The following PDE7B variants were observed in gnomAD, a reference collection of about 807,000 sequenced individuals.
PDE7B encodes the protein phosphodiesterase 7B, also known as 3',5'-cyclic-AMP phosphodiesterase 7B.
In PDE7B, 29 loss-of-function variants were observed where a neutral mutation model predicts 56.2. The observed-to-expected ratio is 0.52, with a 90% CI of 0.38 to 0.70. PDE7B has a LOEUF of 0.70. PDE7B is among the 30% of genes least tolerant of loss of function. The probability of loss-of-function intolerance (pLI) is 0.00; values close to 1 mark genes in which losing one functional copy is unlikely to be tolerated. For missense variants in PDE7B, 490 were observed against 565.0 expected (o/e 0.87, Z 1.35); for synonymous variants, 197 against 196.9 (o/e 1.00, Z 0.00).
At chr6:136,154,227 T>C (rs754455652) in intron 7 of PDE7B, 52 bp downstream of exon 7, 2 of 1,135,386 alleles carry the variant, frequency 1.8e-6, no homozygotes, top group Non-Finnish European at 2.7e-6. Context: ...CCAAGGAAAC[T>C]ACCTGCTAGG....
At chr6:135,945,138 AG>A (rs1774574044) in intron 1 of PDE7B, among the ~76,000 whole-genome samples, 3 of 152,240 alleles carry the variant, frequency 2.0e-5, no homozygotes, top group Admixed American at 2.0e-4. Context: ...TAATTTGAAA[AG>A]GTTTAATGTC....
At chr6:135,941,869 T>TAA (rs1562447499) in intron 1 of PDE7B, among the ~76,000 whole-genome samples, 2 of 152,184 alleles carry the variant, frequency 1.3e-5, no homozygotes, top group African/African-American at 2.4e-5. Context: ...TCAAGACACA[T>TAA]TCTCTAAAAA....
intron 2 of PDE7B, chr6:136,096,408 C>A (rs1777471855): frequency 6.6e-6 from 1 of 150,388 alleles, no homozygotes; most frequent in Non-Finnish European, 1.5e-5. Context: ...ATATTGGGAT[C>A]TACTTGGTAT....
intron 2 of PDE7B, among the ~76,000 whole-genome samples, chr6:136,065,890 T>C (rs1337762537): frequency 6.6e-6 from 1 of 152,236 alleles, no homozygotes; most frequent in East Asian, 1.9e-4. Flanking sequence ...TTATTTTTTA[T>C]CAGTTCTTAG....
At chr6:135,910,755 G>A (rs1023169660) in intron 1 of PDE7B, among the ~76,000 whole-genome samples, 2 of 151,746 alleles carry the variant, frequency 1.3e-5, no homozygotes, top group African/African-American at 4.8e-5. Context: ...CCACAACCCC[G>A]GCTCCACCCA....
At chr6:136,183,386 G>A (rs1196313499) in intron 11 of PDE7B, among the ~76,000 whole-genome samples, 1 of 151,954 alleles carries the variant, frequency 6.6e-6, no homozygotes, top group East Asian at 1.9e-4. Context: ...GAGGTCAGGA[G>A]ATAGAGATCA....
chr6:136,014,082 C>T (rs1352752684), intron 2 of PDE7B, among the ~76,000 whole-genome samples: 3 of 152,120 alleles, frequency 2.0e-5, no homozygotes, highest in Admixed American at 2.0e-4. Context: ...GGAATTTTTC[C>T]TTAAAAGCCC....
chr6:136,185,563 T>G (rs1779130873), intron 11 of PDE7B, among the ~76,000 whole-genome samples: 1 of 151,978 alleles, frequency 6.6e-6, no homozygotes. Flanking sequence ...GAGACCAGCC[T>G]AGGCAACGTA....
Position 135,888,451 on chromosome 6 carries a change from C to CACAT in PDE7B, c.21+36432_21+36433insACAT, listed in dbSNP as rs373221069. On this transcript the variant is annotated intron_variant, in intron 1 of 12. Coordinates refer to ENST00000308191, the MANE Select transcript of PDE7B (RefSeq NM_018945.4). ...AGCTCCAATAAAGCTGAAATACACA[C>CACAT]GTGTGTGTGTGTGTGCATGTATAAC... Among the ~76,000 whole-genome samples the CACAT allele has an allele frequency of 3.1e-3, 469 of 151,152 alleles. 2 individuals are homozygous for CACAT. Among genetic ancestry groups the CACAT allele is most frequent in the South Asian group, 0.022 (106 of 4,798 alleles).
intron 2 of PDE7B, chr6:136,095,708 C>G (rs1777460130): frequency 6.6e-6 from 1 of 152,150 alleles, no homozygotes; most frequent in Non-Finnish European, 1.5e-5. Context: ...GGCTGTGGAG[C>G]TAGTCACCTT....
At chr6:136,103,920 C>A (rs1777604715) in intron 2 of PDE7B, among the ~76,000 whole-genome samples, 1 of 152,208 alleles carries the variant, frequency 6.6e-6, no homozygotes, top group Non-Finnish European at 1.5e-5. Context: ...GTTGTCATCG[C>A]TGTCAGAGTC....
At chr6:135,913,603 A>G (rs558947169) in intron 1 of PDE7B, among the ~76,000 whole-genome samples, 4 of 152,280 alleles carry the variant, frequency 2.6e-5, no homozygotes, top group Admixed American at 1.3e-4. Context: ...ATTCAAAAAG[A>G]GTTCTTAAAA....
intron 1 of PDE7B, among the ~76,000 whole-genome samples, chr6:135,934,612 A>C (rs1774357964): frequency 6.7e-6 from 1 of 149,092 alleles, no homozygotes; most frequent in African/African-American, 2.5e-5. Flanking sequence ...TGCCTGTAAT[A>C]CCAGCTACTT....
intron 2 of PDE7B, among the ~76,000 whole-genome samples, chr6:135,960,253 G>T (rs557481964): frequency 6.6e-6 from 1 of 152,186 alleles, no homozygotes; most frequent in East Asian, 1.9e-4. Flanking sequence ...AATAAATAAA[G>T]GATTTTTTCC....
intron 2 of PDE7B, among the ~76,000 whole-genome samples, chr6:135,971,369 G>A (rs1341095452): frequency 6.6e-6 from 1 of 152,154 alleles, no homozygotes; most frequent in Admixed American, 6.6e-5. Flanking sequence ...ATAAATGTAT[G>A]TTGTTTAAGC....
chr6:135,948,888 T>C (rs866216011), intron 2 of PDE7B, among the ~76,000 whole-genome samples: 313 of 69,474 alleles, frequency 4.5e-3, no homozygotes, highest in Non-Finnish European at 6.4e-3. Context: ...GATAGATAGA[T>C]AGATAGATAG....
intron 1 of PDE7B, among the ~76,000 whole-genome samples, chr6:135,875,045 AG>A (rs1775465505): frequency 6.6e-6 from 1 of 151,692 alleles, no homozygotes; most frequent in African/African-American, 2.4e-5. Flanking sequence ...CTTCTATTCC[AG>A]TTCTCTTTTG....
At chr6:136,006,054 A>G (rs1360098645) in intron 2 of PDE7B, among the ~76,000 whole-genome samples, 2 of 151,930 alleles carry the variant, frequency 1.3e-5, no homozygotes, top group Non-Finnish European at 2.9e-5. Flanking sequence ...TGTCCTTTGT[A>G]GGGACATGGA....
At chr6:136,087,371 A>G (rs1476469789) in intron 2 of PDE7B, among the ~76,000 whole-genome samples, 1 of 152,180 alleles carries the variant, frequency 6.6e-6, no homozygotes, top group Admixed American at 6.5e-5. Context: ...TAAGAAAAAT[A>G]TAAGAATAAA....
Sources: allele counts gnomAD v4.1 joint callset (sites outside exome capture counted in the v4.1 genomes callset), GRCh38; gene constraint gnomAD v4.1.1; transcripts MANE v1.5; gene names NCBI Gene and HGNC (gene_info 2026-07-23, HGNC 2026-07-21).